Variants in SLC1A2 observed in about 807,000 individuals in gnomAD.
SLC1A2 encodes solute carrier family 1 member 2.
A neutral mutation model predicts 48.8 loss-of-function variants in SLC1A2; 15 were observed. The ratio of observed to expected loss-of-function variants is 0.31; its 90% CI spans 0.21 to 0.47. The LOEUF (loss-of-function observed/expected upper bound fraction) is 0.47, where lower values mean the gene tolerates loss of function less well. SLC1A2 is among the 20% of genes least tolerant of loss of function. The pLI, the probability that SLC1A2 is intolerant of heterozygous loss-of-function variation, is 0.99. For missense variants in SLC1A2, 502 were observed against 730.5 expected, an observed-to-expected ratio of 0.69 and a Z score of 3.61; for synonymous variants, 279 against 272.6, an observed-to-expected ratio of 1.02 and a Z score of -0.23.
chr11:35,333,271 G>C (rs765966812), intron 1 of SLC1A2, among the ~76,000 whole-genome samples: 2 of 151,976 alleles, frequency 1.3e-5, no homozygotes, highest in Non-Finnish European at 1.5e-5. Flanking sequence ...ACTAAAATTA[G>C]CCAGGTGTGG....
At chr11:35,306,273 C>A in intron 4 of SLC1A2, 31 bp from the exon 5 acceptor site, 3 of 1,581,386 alleles carry the variant, frequency 1.9e-6, no homozygotes, top group Admixed American at 1.7e-5. Flanking sequence ...AGGCATAGAG[C>A]TGAGATTTGG....
intron 9 of SLC1A2, among the ~76,000 whole-genome samples, chr11:35,278,388 G>A (rs1413653885): frequency 2.7e-5 from 4 of 148,562 alleles, no homozygotes; most frequent in Admixed American, 2.1e-4. Flanking sequence ...TGATTCTCCT[G>A]CCTTAGCCTC....
intron 9 of SLC1A2, among the ~76,000 whole-genome samples, chr11:35,271,764 G>A (rs1441748956): frequency 1.3e-5 from 2 of 152,042 alleles, no homozygotes; most frequent in Non-Finnish European, 2.9e-5. Flanking sequence ...AATCGCTTGG[G>A]CCTGAGAGAC....
chr11:35,317,070 G>A (rs1007740584), intron 2 of SLC1A2: 12 of 303,832 alleles, frequency 3.9e-5, no homozygotes, highest in African/African-American at 2.5e-4. Flanking sequence ...CTAATATGTA[G>A]ATTGCAGGAC....
chr11:35,261,854 T>C (rs1476479703), intron 10 of SLC1A2: 8 of 397,086 alleles, frequency 2.0e-5, no homozygotes, highest in Non-Finnish European at 3.1e-5. Flanking sequence ...CATGACCACA[T>C]ACAACATGCT....
At position 35,269,847 on chromosome 11, in the gene SLC1A2, C is replaced by T. The variant is rs368824232; in HGVS notation, c.1422-4089G>A. 7.2e-5 allele frequency among the ~76,000 whole-genome samples: 11 copies of T among 152,284 alleles called. No homozygotes were observed. In the East Asian group the frequency reaches 7.7e-4, roughly 11 times the overall value. Reference sequence around the variant, plus strand: ...CAGACTGGCCGGATGCAGTGGCTCACGCCTGCAATCCCAGCACTTTGGGAG... The same window carrying T: ...CAGACTGGCCGGATGCAGTGGCTCATGCCTGCAATCCCAGCACTTTGGGAG... On this transcript the variant is annotated intron_variant, in intron 9 of 10. Transcript: ENST00000278379.
At chr11:35,387,630 A>AT (rs1023551056) in intron 1 of SLC1A2, among the ~76,000 whole-genome samples, 4 of 152,292 alleles carry the variant, frequency 2.6e-5, no homozygotes, top group Non-Finnish European at 5.9e-5. Flanking sequence ...TGTCTGGGCC[A>AT]TTTTTTTGTG....
At chr11:35,352,162 CAG>C (rs1853283362) in intron 1 of SLC1A2, 1 of 152,162 alleles carries the variant, frequency 6.6e-6, no homozygotes. Flanking sequence ...CCATATGACT[CAG>C]AGTAAAAACA....
intron 1 of SLC1A2, among the ~76,000 whole-genome samples, chr11:35,337,920 T>C (rs868488523): frequency 7.9e-5 from 12 of 152,310 alleles, no homozygotes; most frequent in Middle Eastern, 3.4e-3. Flanking sequence ...ATTAGTATTA[T>C]AATTACCATC....
Position 35,334,970 on chromosome 11 carries a change from C to T in SLC1A2, c.18-17454G>A, listed in dbSNP as rs183772324. Among the ~76,000 whole-genome samples, 7 of 152,238 alleles carry T rather than the reference C, an allele frequency of 4.6e-5. No individual in the cohort carries two copies. The South Asian group carries it at 8.3e-4, about 18-fold the overall frequency. On this transcript the variant is annotated intron_variant, in intron 1 of 10. Coordinates refer to ENST00000278379, the MANE Select transcript of SLC1A2 (RefSeq NM_004171.4). ...CAAAGTTAAGTAACTTTTCCATTGT[C>T]GGGTAGCTAGGAGTAGACAGCTGGG...
At chr11:35,284,110 T>TATATATATAA (rs539270363) in intron 8 of SLC1A2, among the ~76,000 whole-genome samples, 3 of 141,198 alleles carry the variant, frequency 2.1e-5, no homozygotes, top group Admixed American at 7.1e-5. Context: ...TATATATATA[T>TATATATATAA]AAATTATTAT....
intron 2 of SLC1A2, chr11:35,316,078 T>C (rs1004580534): frequency 1.3e-5 from 2 of 152,272 alleles, no homozygotes; most frequent in African/African-American, 2.4e-5. Context: ...TCCTTTTACA[T>C]AGCTTTTAGA....
intron 8 of SLC1A2, chr11:35,285,280 T>A (rs1046886858): frequency 6.6e-6 from 1 of 152,228 alleles, no homozygotes; most frequent in African/African-American, 2.4e-5. Flanking sequence ...GATAATTTCT[T>A]TGAGCCTCAC....
intron 1 of SLC1A2, among the ~76,000 whole-genome samples, chr11:35,331,829 G>A (rs567721436): frequency 2.0e-5 from 3 of 152,050 alleles, no homozygotes; most frequent in Admixed American, 6.6e-5. Flanking sequence ...AGATCTTAAC[G>A]TTGCACAATT....
rs1317382573 is a variant in SLC1A2 at position 35,339,259 on chromosome 11, CT to C, written c.18-21744del. Among the ~76,000 whole-genome samples the C allele has an allele frequency of 3.9e-5, 6 of 152,190 alleles. 1 individual carries two copies. The highest frequency in any genetic ancestry group is 3.9e-4 in the Admixed American group (6 of 15,276). On this transcript the variant is annotated intron_variant, in intron 1 of 10. Transcript: ENST00000278379. ...AGCAAGAAACATGGAATCAGGGAATCTCAATGCGGTGAACAAGATTGTGGGT... is the reference window on the plus strand; with the variant it reads ...AGCAAGAAACATGGAATCAGGGAATCCAATGCGGTGAACAAGATTGTGGGT...
At chr11:35,314,445 T>C (rs1040505000) in intron 3 of SLC1A2, among the ~76,000 whole-genome samples, 1 of 152,238 alleles carries the variant, frequency 6.6e-6, no homozygotes, top group Non-Finnish European at 1.5e-5. Flanking sequence ...CCAGGTGCAG[T>C]GGCTCATGCC....
chr11:35,324,722 GA>G (rs1222086088), intron 1 of SLC1A2, among the ~76,000 whole-genome samples: 1 of 152,120 alleles, frequency 6.6e-6, no homozygotes, highest in Middle Eastern at 3.2e-3. Flanking sequence ...GGAATGACTG[GA>G]TAACCCCTCA....
At chr11:35,420,153 T>TC (rs1272516020), upstream of SLC1A2, 23 of 191,274 alleles carry the variant, frequency 1.2e-4, no homozygotes, top group Non-Finnish European at 2.1e-4. Context: ...TTTTTTTTTT[T>TC]AGGCCGAGAG....
chr11:35,409,990 T>A (rs1855411498), intron 1 of SLC1A2, among the ~76,000 whole-genome samples: 2 of 152,028 alleles, frequency 1.3e-5, no homozygotes, highest in African/African-American at 4.8e-5. Flanking sequence ...CCCATCAGAA[T>A]CCACTTTCCC....
Sources: gnomAD v4.1 joint callset for allele counts (sites outside exome capture counted in the v4.1 genomes callset) on GRCh38, gnomAD v4.1.1 for gene constraint, MANE v1.5 for transcripts, NCBI Gene and HGNC (gene_info 2026-07-23, HGNC 2026-07-21) for gene names.